The following C11orf97 variants were observed in gnomAD, a reference collection of about 807,000 sequenced individuals.
The protein encoded by C11orf97 is chromosome 11 open reading frame 97.
In C11orf97, 15 loss-of-function variants were observed where a neutral mutation model predicts 16.2. That is an observed-to-expected ratio of 0.93 (90% CI 0.62 to 1.43). C11orf97 has a LOEUF of 1.43. Ranked by LOEUF, C11orf97 falls within the 40% of genes most tolerant of loss-of-function variation. The pLI is 0.00. For missense variants in C11orf97, 171 were observed against 161.2 expected, an observed-to-expected ratio of 1.06 and a Z score of -0.33; for synonymous variants, 61 against 65.7, an observed-to-expected ratio of 0.93 and a Z score of 0.34.
chr11:94,522,136 G>A (rs1038231503), intron 2 of C11orf97, among the ~76,000 whole-genome samples: 2 of 151,844 alleles, frequency 1.3e-5, no homozygotes, highest in African/African-American at 4.8e-5. Flanking sequence ...TTTTCACTAC[G>A]GCCTCTCTAG....
intron 3 of C11orf97, among the ~76,000 whole-genome samples, chr11:94,529,292 A>G (rs1399892295): frequency 6.6e-6 from 1 of 152,200 alleles, no homozygotes; most frequent in Non-Finnish European, 1.5e-5. Context: ...CCAGGGGGCC[A>G]GGGATGCAGC....
At chr11:94,526,495 G>T (rs1163874235) in intron 2 of C11orf97, among the ~76,000 whole-genome samples, 2 of 152,144 alleles carry the variant, frequency 1.3e-5, no homozygotes, top group African/African-American at 2.4e-5. Flanking sequence ...AATTTGATGT[G>T]ATTTGTCTGC....
At chr11:94,517,756 T>C in intron 2 of C11orf97, 69 bp downstream of exon 2, 4 of 1,060,408 alleles carry the variant, frequency 3.8e-6, no homozygotes, top group Non-Finnish European at 5.3e-6. Context: ...TGACAGAGTA[T>C]TTTATTATAA....
intron 3 of C11orf97, among the ~76,000 whole-genome samples, chr11:94,528,866 A>G (rs1190667461): frequency 1.3e-5 from 2 of 152,182 alleles, no homozygotes; most frequent in Non-Finnish European, 2.9e-5. Flanking sequence ...TAGACCTACA[A>G]TTGGGAGATT....
rs865952500 is a variant in C11orf97, at chr11:94,513,896, C to A, written c.145+1223C>A. Among the ~76,000 whole-genome samples the A allele has an allele frequency of 1.2e-4, 19 of 152,306 alleles. No individual in the cohort carries two copies. The South Asian group carries it at 3.7e-3, about 30-fold the overall frequency. The stretch of plus-strand genomic sequence containing the variant: ...TGATCTGGGCTCACTGCAACTCAGC[C>A]TCCTGGGTTCAAGCAATTCTCATGC... On this transcript the variant is annotated intron_variant, in intron 1 of 3. Transcript: ENST00000542198.
chr11:94,519,408 A>G (rs1947639104), intron 2 of C11orf97, among the ~76,000 whole-genome samples: 1 of 151,432 alleles, frequency 6.6e-6, no homozygotes, highest in Non-Finnish European at 1.5e-5. Flanking sequence ...GCCTACATGT[A>G]CTATTTTCCT....
intron 2 of C11orf97, among the ~76,000 whole-genome samples, chr11:94,520,936 G>A (rs1947652906): frequency 6.6e-6 from 1 of 152,120 alleles, no homozygotes; most frequent in African/African-American, 2.4e-5. Context: ...TAGATTTCAT[G>A]CTCCTATGGC....
chr11:94,515,602 T>C (rs1263834866), intron 1 of C11orf97, among the ~76,000 whole-genome samples: 1 of 151,906 alleles, frequency 6.6e-6, no homozygotes, highest in South Asian at 2.1e-4. Flanking sequence ...TCTCCTTTTT[T>C]TTCCTTTTCC....
chr11:94,513,184 T>C (rs1020008824), intron 1 of C11orf97, among the ~76,000 whole-genome samples: 1 of 152,192 alleles, frequency 6.6e-6, no homozygotes, highest in Admixed American at 6.5e-5. Flanking sequence ...TCTTGGACTC[T>C]CAGTCTACAA....
Position 94,517,652 on chromosome 11 carries a change from A to G in C11orf97, c.215A>G (p.Lys72Arg), listed in dbSNP as rs1947622192. 6.5e-7 allele frequency: 1 copy of G among 1,531,652 alleles called. No individual in the cohort carries two copies. Among genetic ancestry groups the G allele is most frequent in the African/African-American group, 1.4e-5 (1 of 73,000 alleles). 94.9% of individuals were successfully genotyped at this position (1,531,652 alleles called of 1,614,324 possible). Residue 72 changes from lysine (K) to arginine (R), a missense_variant, in exon 2 of 4, where the codon AAG becomes AGG. Physicochemically the swap from Lys to Arg is conservative, Grantham distance 26. Transcript: ENST00000542198. ...KEVLEEERHI[K>R]RDECHIKNPA... The stretch of plus-strand genomic sequence containing the variant: ...GTACTGGAAGAAGAACGTCATATTA[A>G]GAGAGATGAATGCCACATTAAAAAT...
chr11:94,519,678 A>G (rs1176845618), intron 2 of C11orf97, among the ~76,000 whole-genome samples: 1 of 152,268 alleles, frequency 6.6e-6, no homozygotes, highest in Non-Finnish European at 1.5e-5. Context: ...AACATCCACT[A>G]GAGGTCGCAC....
chr11:94,527,440 T>C (rs1176586618), intron 2 of C11orf97, among the ~76,000 whole-genome samples: 1 of 152,224 alleles, frequency 6.6e-6, no homozygotes, highest in Non-Finnish European at 1.5e-5. Flanking sequence ...AACCAGGTGA[T>C]TTTAGGATAT....
chr11:94,517,130 A>AAATG (rs1284386166), intron 1 of C11orf97, among the ~76,000 whole-genome samples: 3 of 152,156 alleles, frequency 2.0e-5, no homozygotes, highest in Non-Finnish European at 2.9e-5. Context: ...CAATCTTTTA[A>AAATG]AATGTCGATT....
At chr11:94,514,666 A>G (rs560098926) in intron 1 of C11orf97, among the ~76,000 whole-genome samples, 1 of 114,436 alleles carries the variant, frequency 8.7e-6, no homozygotes, top group South Asian at 2.7e-4. Context: ...TTTTTTTTAG[A>G]CAGAGTCTTA....
Position 94,527,952 on chromosome 11 carries a change from G to T in C11orf97, c.251-132G>T. On this transcript the variant is annotated intron_variant, in intron 2 of 3. Transcript: ENST00000542198. ...TTAAACATATGATAAAGATTTGAGT[G>T]GTTTGATTAGTCAAACCAAATAAAC... 7 of 759,236 alleles carry T rather than the reference G, an allele frequency of 9.2e-6. No homozygotes were observed. In the South Asian group the frequency reaches 1.5e-4, roughly 16 times the overall value. The allele number at this position is 759,236 out of a possible 1,614,324, so 47.0% of individuals were successfully genotyped here.
intron 2 of C11orf97, among the ~76,000 whole-genome samples, chr11:94,519,011 C>T (rs536776725): frequency 2.0e-4 from 30 of 151,996 alleles, no homozygotes; most frequent in Admixed American, 1.7e-3. Flanking sequence ...TGGGTTCAAG[C>T]GATTCTTCTG....
chr11:94,517,651 AAG>A lies in C11orf97; in HGVS notation c.220_221del (p.Asp74Ter). On this transcript the variant is annotated frameshift_variant, in exon 2 of 4. Transcript: ENST00000542198. LOFTEE classifies it high-confidence loss of function. ...AGTACTGGAAGAAGAACGTCATATT[AAG>A]AGAGATGAATGCCACATTAAAAATC... Reference protein sequence around the residue: ...KEVLEEERHIKRDECHIKNPA... With the variant: ...KEVLEEERHIXRDECHIKNPA... The A allele has an allele frequency of 2.0e-6, 3 of 1,531,588 alleles. No homozygotes were observed. Among genetic ancestry groups the A allele is most frequent in the Non-Finnish European group, 2.6e-6 (3 of 1,145,338 alleles). The allele number at this position is 1,531,588 out of a possible 1,614,324, so 94.9% of individuals were successfully genotyped here. A position where few individuals can be genotyped will look rare whatever the true frequency, so the allele number is the denominator to read the frequency against.
intron 2 of C11orf97, among the ~76,000 whole-genome samples, chr11:94,524,256 G>A (rs1027176024): frequency 6.6e-6 from 1 of 152,004 alleles, no homozygotes; most frequent in Non-Finnish European, 1.5e-5. Flanking sequence ...AGGCTCAGGG[G>A]GATGCAGTGA....
In C11orf97 at chr11:94,531,973, T is replaced by C; in HGVS notation, c.*73T>C. ...TGAAGAACGGAGAAGAAACTCAAGCTTGTTTCAGGATTTAAGATGTGTGCA... is the reference window on the plus strand; with the variant it reads ...TGAAGAACGGAGAAGAAACTCAAGCCTGTTTCAGGATTTAAGATGTGTGCA... On this transcript the variant is annotated 3_prime_UTR_variant, in exon 4 of 4. Transcript: ENST00000542198. The C allele has an allele frequency of 8.5e-6, 11 of 1,290,500 alleles. No homozygotes were observed. The highest frequency in any genetic ancestry group is 1.1e-5 in the Non-Finnish European group (11 of 972,338). 79.9% of individuals were successfully genotyped at this position (1,290,500 alleles called of 1,614,324 possible). A position where few individuals can be genotyped will look rare whatever the true frequency, so the allele number is the denominator to read the frequency against.
Sources: gnomAD v4.1 joint callset for allele counts (sites outside exome capture counted in the v4.1 genomes callset) on GRCh38, gnomAD v4.1.1 for gene constraint, MANE v1.5 for transcripts, NCBI Gene and HGNC (gene_info 2026-07-23, HGNC 2026-07-21) for gene names.